XRCC4: variants seen among roughly 807,000 people sequenced by gnomAD.
XRCC4 encodes X-ray repair cross complementing 4.
Under a neutral mutation model 39.1 loss-of-function variants are expected in XRCC4, and 28 were observed. The observed-to-expected ratio is 0.72, with a 90% CI of 0.53 to 0.98. XRCC4 has a LOEUF of 0.98. Ranked by LOEUF, XRCC4 falls within the 50% of genes least tolerant of loss-of-function variation. The probability of loss-of-function intolerance (pLI) is 0.00; values close to 1 mark genes in which losing one functional copy is unlikely to be tolerated. For missense variants in XRCC4, 350 were observed against 376.4 expected, an observed-to-expected ratio of 0.93 and a Z score of 0.58; for synonymous variants, 123 against 126.4, an observed-to-expected ratio of 0.97 and a Z score of 0.18.
At chr5:83,095,273 A>G (rs898780182) in intron 1 of XRCC4, among the ~76,000 whole-genome samples, 1 of 152,148 alleles carries the variant, frequency 6.6e-6, no homozygotes, top group Non-Finnish European at 1.5e-5. Context: ...GAGCTGCTGA[A>G]TGGACACAGA....
Position 83,114,290 on chromosome 5 carries a change from T to G in XRCC4, c.315+3087T>G, listed in dbSNP as rs192171237. On this transcript the variant is annotated intron_variant, in intron 3 of 7. Transcript: ENST00000396027. Reference sequence around the variant, plus strand: ...TTAACATTTGGCTCCTTATTACTTATGCAAATTTATGCAGCAGGCTTGAAT... The same window carrying G: ...TTAACATTTGGCTCCTTATTACTTAGGCAAATTTATGCAGCAGGCTTGAAT... Among the ~76,000 whole-genome samples the G allele has an allele frequency of 2.0e-5, 3 of 152,322 alleles. No individual in the cohort carries two copies. In the East Asian group the frequency reaches 5.8e-4, roughly 29 times the overall value.
intron 3 of XRCC4, among the ~76,000 whole-genome samples, chr5:83,163,689 C>G (rs893770269): frequency 6.6e-6 from 1 of 152,168 alleles, no homozygotes; most frequent in East Asian, 1.9e-4. Flanking sequence ...TTTAATTTTG[C>G]ACCACTGATT....
At chr5:83,283,766 C>A (rs1002641977) in intron 7 of XRCC4, among the ~76,000 whole-genome samples, 2 of 152,070 alleles carry the variant, frequency 1.3e-5, no homozygotes, top group Admixed American at 1.3e-4. Context: ...GTGAAGCACT[C>A]TGTCTTGTAT....
chr5:83,144,537 GT>G (rs1020306616), intron 3 of XRCC4, among the ~76,000 whole-genome samples: 1 of 116,690 alleles, frequency 8.6e-6, no homozygotes, highest in Non-Finnish European at 1.8e-5. Context: ...TTGTTTGTTT[GT>G]TTTGTGTCTC....
chr5:83,175,336 A>G (rs762683247), intron 3 of XRCC4, among the ~76,000 whole-genome samples: 1 of 152,288 alleles, frequency 6.6e-6, no homozygotes, highest in Admixed American at 6.5e-5. Context: ...ATTCAATGCT[A>G]TTGAAACTAA....
At chr5:83,309,656 C>A (rs568417924) in intron 7 of XRCC4, among the ~76,000 whole-genome samples, 2 of 148,956 alleles carry the variant, frequency 1.3e-5, no homozygotes, top group South Asian at 4.2e-4. Context: ...CCCAGCTACT[C>A]AGGAGGCTGA....
At chr5:83,095,938 C>T (rs970108104) in intron 1 of XRCC4, among the ~76,000 whole-genome samples, 5 of 152,124 alleles carry the variant, frequency 3.3e-5, no homozygotes. Flanking sequence ...CTTCCAGGAT[C>T]TGCTGTGGGA....
At chr5:83,094,447 T>C (rs1745582044) in intron 1 of XRCC4, among the ~76,000 whole-genome samples, 1 of 149,760 alleles carries the variant, frequency 6.7e-6, no homozygotes, top group Non-Finnish European at 1.5e-5. Context: ...TTTTCTTTTT[T>C]TCTTTGCTCC....
intron 3 of XRCC4, among the ~76,000 whole-genome samples, chr5:83,180,272 G>C (rs145930933): frequency 0.015 from 2,277 of 152,238 alleles, 76 homozygotes; most frequent in African/African-American, 0.052. Context: ...TCAGAAAACA[G>C]ATGATCATAG....
intron 7 of XRCC4, among the ~76,000 whole-genome samples, chr5:83,352,084 G>A (rs1265771426): frequency 6.6e-6 from 1 of 152,086 alleles, no homozygotes; most frequent in Non-Finnish European, 1.5e-5. Context: ...GTTTTACAGT[G>A]GACAGAATAG....
intron 7 of XRCC4, among the ~76,000 whole-genome samples, chr5:83,286,430 C>G (rs72769340): frequency 0.03 from 4,494 of 152,182 alleles, 115 homozygotes; most frequent in South Asian, 0.13. Flanking sequence ...ATAATAAGAG[C>G]AGCTAACATT....
intron 7 of XRCC4, among the ~76,000 whole-genome samples, chr5:83,299,924 C>T (rs1209661313): frequency 1.3e-5 from 2 of 152,024 alleles, no homozygotes; most frequent in Non-Finnish European, 2.9e-5. Context: ...TGTGCTTTGC[C>T]TCTTTATGAG....
rs1310755684 is a variant in XRCC4 at position 83,353,708 on chromosome 5, GT to G, written c.*469del. The G allele has an allele frequency of 2.6e-5, 4 of 152,016 alleles. 1 individual carries two copies. Among genetic ancestry groups the G allele is most frequent in the South Asian group, 4.1e-4 (2 of 4,824 alleles). The allele number at this position is 152,016 out of a possible 1,614,324, so 9.4% of individuals were successfully genotyped here. ...TGATGATGTAGAAAATATAATTTTA[GT>G]TTGTACATAAACATTGTGAAAATCT... On this transcript the variant is annotated 3_prime_UTR_variant, in exon 8 of 8. Transcript: ENST00000396027.
chr5:83,218,076 A>ATATATATT (rs1303092499), intron 6 of XRCC4, among the ~76,000 whole-genome samples: 2 of 150,398 alleles, frequency 1.3e-5, no homozygotes, highest in African/African-American at 4.9e-5. Flanking sequence ...ATATATATAT[A>ATATATATT]TATTTATTAG....
chr5:83,250,087 G>A (rs1328381621), intron 6 of XRCC4, among the ~76,000 whole-genome samples: 1 of 152,110 alleles, frequency 6.6e-6, no homozygotes, highest in African/African-American at 2.4e-5. Flanking sequence ...GTTGACAGAA[G>A]TGAACCTATG....
chr5:83,315,254 G>C (rs1400852726), intron 7 of XRCC4, among the ~76,000 whole-genome samples: 3 of 152,096 alleles, frequency 2.0e-5, no homozygotes, highest in African/African-American at 4.8e-5. Context: ...AAGGCTGAGA[G>C]AGGTGAGGAA....
chr5:83,098,026 T>A (rs1171499833), intron 1 of XRCC4, among the ~76,000 whole-genome samples: 1 of 152,078 alleles, frequency 6.6e-6, no homozygotes, highest in Non-Finnish European at 1.5e-5. Flanking sequence ...CTTATAGTGT[T>A]AGAGTAGGAA....
intron 1 of XRCC4, among the ~76,000 whole-genome samples, chr5:83,091,047 C>G (rs966252036): frequency 1.3e-5 from 2 of 152,070 alleles, no homozygotes; most frequent in African/African-American, 4.8e-5. Context: ...GTACAGTACT[C>G]AATTGTTAGC....
chr5:83,223,947 A>G (rs1056760393), intron 6 of XRCC4, among the ~76,000 whole-genome samples: 22 of 149,498 alleles, frequency 1.5e-4, no homozygotes, highest in Admixed American at 1.1e-3. Context: ...AAGGACATGA[A>G]CTCATCCTTT....
Sources: gnomAD v4.1 joint callset for allele counts (sites outside exome capture counted in the v4.1 genomes callset) on GRCh38, gnomAD v4.1.1 for gene constraint, MANE v1.5 for transcripts, NCBI Gene and HGNC (gene_info 2026-07-23, HGNC 2026-07-21) for gene names.